SH2D4B: variants seen among roughly 807,000 people sequenced by gnomAD.
SH2D4B encodes SH2 domain containing 4B.
SH2D4B carries 45 observed loss-of-function variants against 61.5 expected under a neutral mutation model. That is an observed-to-expected ratio of 0.73 (90% CI 0.58 to 0.94). The LOEUF (loss-of-function observed/expected upper bound fraction) is 0.94. Ranked by LOEUF, SH2D4B falls within the 40% of genes least tolerant of loss-of-function variation. The pLI, the probability that SH2D4B is intolerant of heterozygous loss-of-function variation, is 0.00. For missense variants in SH2D4B, 572 were observed against 574.2 expected (o/e 1.00, Z 0.04); for synonymous variants, 224 against 220.4 (o/e 1.02, Z -0.14).
chr10:80,564,582 C>T (rs562943073), intron 1 of SH2D4B, among the ~76,000 whole-genome samples: 2 of 152,292 alleles, frequency 1.3e-5, no homozygotes, highest in South Asian at 4.1e-4. Flanking sequence ...CGTTTTCTAC[C>T]AATTCTCACT....
chr10:80,632,813 C>T (rs1842847946), intron 6 of SH2D4B, among the ~76,000 whole-genome samples: 1 of 152,006 alleles, frequency 6.6e-6, no homozygotes, highest in Non-Finnish European at 1.5e-5. Context: ...GTGCATCCTC[C>T]CTCTTGCATG....
Position 80,567,959 on chromosome 10 carries a change from T to A in SH2D4B, c.185-2195T>A, listed in dbSNP as rs536929539. ...TCGCTTCCATGTCCCAGTAACAACA[T>A]CTAAAATTCTTTCCTAGACATATTT... On this transcript the variant is annotated intron_variant, in intron 1 of 7. Coordinates refer to ENST00000646907, the MANE Select transcript of SH2D4B (RefSeq NM_001388272.1). Among the ~76,000 whole-genome samples the A allele has an allele frequency of 3.9e-5, 6 of 152,324 alleles. No individual in the cohort carries two copies. In the East Asian group the frequency reaches 1.2e-3, roughly 29 times the overall value.
chr10:80,620,248 T>G lies in SH2D4B; in HGVS notation c.988+10697T>G, dbSNP rs186413836. On this transcript the variant is annotated intron_variant, in intron 6 of 7. Transcript: ENST00000646907. ...GCGGTTCCCCCCCTTGCTGTTCTCATGGTAATGAGTGAATTCTCATGAGAT... is the reference window on the plus strand; with the variant it reads ...GCGGTTCCCCCCCTTGCTGTTCTCAGGGTAATGAGTGAATTCTCATGAGAT... 3.0e-3 allele frequency among the ~76,000 whole-genome samples: 453 copies of G among 152,286 alleles called. 3 individuals carry two copies. Among genetic ancestry groups the G allele is most frequent in the African/African-American group, 0.01 (431 of 41,546 alleles).
intron 6 of SH2D4B, among the ~76,000 whole-genome samples, chr10:80,627,397 C>T (rs1288003431): frequency 6.6e-6 from 1 of 152,162 alleles, no homozygotes; most frequent in Non-Finnish European, 1.5e-5. Flanking sequence ...ACACCTCTGG[C>T]CATTGCCCAG....
chr10:80,619,341 A>G (rs1842692331), intron 6 of SH2D4B, among the ~76,000 whole-genome samples: 1 of 152,084 alleles, frequency 6.6e-6, no homozygotes, highest in Non-Finnish European at 1.5e-5. Flanking sequence ...ACCATGGGAG[A>G]GAGGGTAGCT....
intron 6 of SH2D4B, among the ~76,000 whole-genome samples, chr10:80,633,921 A>G (rs1179944285): frequency 6.6e-6 from 1 of 152,260 alleles, no homozygotes; most frequent in Non-Finnish European, 1.5e-5. Context: ...AAGGCTTTTC[A>G]CAAGCCTGTT....
chr10:80,613,983 A>G (rs1216196817), intron 6 of SH2D4B, among the ~76,000 whole-genome samples: 1 of 152,184 alleles, frequency 6.6e-6, no homozygotes, highest in Non-Finnish European at 1.5e-5. Context: ...CACAGAAGTC[A>G]TTTTAATGAT....
At chr10:80,602,800 G>T (rs1589352595) in intron 4 of SH2D4B, among the ~76,000 whole-genome samples, 2 of 152,182 alleles carry the variant, frequency 1.3e-5, no homozygotes, top group African/African-American at 4.8e-5. Context: ...GTCTTTAAAT[G>T]CTCCTTTGTT....
intron 4 of SH2D4B, among the ~76,000 whole-genome samples, chr10:80,597,110 G>C (rs944704031): frequency 6.6e-6 from 1 of 152,144 alleles, no homozygotes; most frequent in Admixed American, 6.5e-5. Context: ...TAGGCTATAC[G>C]CAATCCCTAC....
Position 80,569,211 on chromosome 10 carries a change from ACAC to A in SH2D4B, c.185-935_185-933del, listed in dbSNP as rs554632965. On this transcript the variant is annotated intron_variant, in intron 1 of 7. Coordinates refer to ENST00000646907, the MANE Select transcript of SH2D4B (RefSeq NM_001388272.1). ...TCAGGGCCCCAGGCTGCTTCATCTC[ACAC>A]CACCACCTGATTCCTTGTTTCTAGC... Among the ~76,000 whole-genome samples, 19 of 152,192 alleles carry A rather than the reference ACAC, an allele frequency of 1.2e-4. No individual in the cohort carries two copies. The East Asian group carries it at 3.7e-3, about 29-fold the overall frequency.
intron 3 of SH2D4B, among the ~76,000 whole-genome samples, chr10:80,572,761 A>G (rs1294394690): frequency 6.6e-6 from 1 of 150,684 alleles, no homozygotes. Context: ...CTGGGAGTAC[A>G]GGCGTGCATC....
In SH2D4B at chr10:80,608,757, C is replaced by T. The variant is rs975844245; in HGVS notation, c.861-667C>T. ...ACCAACGTGTGGTTTTGTTTCCTTC[C>T]GCCTCCGTATCCTCTGTCATAGTTT... is the stretch of plus-strand genomic sequence containing the variant. On this transcript the variant is annotated intron_variant, in intron 5 of 7. Coordinates refer to ENST00000646907, the MANE Select transcript of SH2D4B (RefSeq NM_001388272.1). Among the ~76,000 whole-genome samples, 51 of 151,622 alleles carry T rather than the reference C, an allele frequency of 3.4e-4. 1 individual carries two copies. Among genetic ancestry groups the T allele is most frequent in the South Asian group, 2.1e-4 (1 of 4,826 alleles).
At chr10:80,586,212 T>C (rs1053066296) in intron 3 of SH2D4B, among the ~76,000 whole-genome samples, 3 of 152,072 alleles carry the variant, frequency 2.0e-5, no homozygotes, top group Non-Finnish European at 4.4e-5. Context: ...CGCCCCCTGC[T>C]CCATGCCGTC....
intron 4 of SH2D4B, among the ~76,000 whole-genome samples, chr10:80,591,079 C>A (rs186909503): frequency 6.6e-6 from 1 of 151,664 alleles, no homozygotes; most frequent in African/African-American, 2.4e-5. Context: ...TTCCTTCCTT[C>A]CATTTTATGA....
intron 3 of SH2D4B, among the ~76,000 whole-genome samples, chr10:80,573,472 T>C (rs1842088088): frequency 6.6e-6 from 1 of 152,186 alleles, no homozygotes. Flanking sequence ...TTATATGTCT[T>C]TCCTGATTTT....
chr10:80,569,678 C>T lies in SH2D4B; in HGVS notation c.185-476C>T, dbSNP rs1209269593. Among the ~76,000 whole-genome samples, 6 of 151,930 alleles carry T rather than the reference C, an allele frequency of 3.9e-5. 1 individual carries two copies. Among genetic ancestry groups the T allele is most frequent in the Admixed American group, 3.3e-4 (5 of 15,260 alleles). On this transcript the variant is annotated intron_variant, in intron 1 of 7. Coordinates refer to ENST00000646907, the MANE Select transcript of SH2D4B (RefSeq NM_001388272.1). ...AACATGACATCGTTACTTGTGTGTACACCCTCTTTGTCTCCTGGGGGGTTC... is the reference window on the plus strand; with the variant it reads ...AACATGACATCGTTACTTGTGTGTATACCCTCTTTGTCTCCTGGGGGGTTC...
At position 80,577,430 on chromosome 10, in the gene SH2D4B, G is replaced by GTTTT. The variant is rs71482785; in HGVS notation, c.495+5863_495+5866dup. On this transcript the variant is annotated intron_variant, in intron 3 of 7. Coordinates refer to ENST00000646907, the MANE Select transcript of SH2D4B (RefSeq NM_001388272.1). ...GTTGTTTTAGACCACTGAATTTTCT[G>GTTTT]TTTTTTTTTTTTTTGAGACGGAGTC... Among the ~76,000 whole-genome samples, 41 of 143,944 alleles carry GTTTT rather than the reference G, an allele frequency of 2.8e-4. 1 individual carries two copies. Among genetic ancestry groups the GTTTT allele is most frequent in the African/African-American group, 9.1e-4 (36 of 39,436 alleles). The allele number at this position is 143,944 out of a possible 152,430, so 94.4% of individuals were successfully genotyped here. A position where few individuals can be genotyped will look rare whatever the true frequency, so the allele number is the denominator to read the frequency against.
chr10:80,631,068 TTC>T (rs1842827272), intron 6 of SH2D4B, among the ~76,000 whole-genome samples: 1 of 152,196 alleles, frequency 6.6e-6, no homozygotes, highest in East Asian at 1.9e-4. Context: ...CCCTTGCACA[TTC>T]TCTTAAAGCA....
At chr10:80,580,743 T>C (rs12266869) in intron 3 of SH2D4B, among the ~76,000 whole-genome samples, 12,716 of 152,216 alleles carry the variant, frequency 0.084, 567 homozygotes, top group African/African-American at 0.12. Flanking sequence ...TTCCACAGGA[T>C]TCTGGCAGAC....
Sources: gnomAD v4.1 joint callset for allele counts (sites outside exome capture counted in the v4.1 genomes callset) on GRCh38, gnomAD v4.1.1 for gene constraint, MANE v1.5 for transcripts, NCBI Gene and HGNC (gene_info 2026-07-23, HGNC 2026-07-21) for gene names.